NODAL: variants seen among roughly 807,000 people sequenced by gnomAD.
NODAL encodes nodal growth differentiation factor, also known as nodal homolog.
In NODAL, 12 loss-of-function variants were observed where a neutral mutation model predicts 34.0. That is an observed-to-expected ratio of 0.35 (90% CI 0.23 to 0.57). NODAL has a LOEUF of 0.57. Among genes scored for constraint, NODAL ranks in the 20% least tolerant of loss-of-function variants. The probability of loss-of-function intolerance (pLI) is 0.83; values close to 1 mark genes in which losing one functional copy is unlikely to be tolerated. For synonymous variants in NODAL, 162 were observed against 186.4 expected (o/e 0.87, Z 1.07); for missense variants, 390 against 444.2 (o/e 0.88, Z 1.10).
At chr10:70,442,158 A>C (rs573273281), upstream of NODAL, among the ~76,000 whole-genome samples, 65 of 152,350 alleles carry the variant, frequency 4.3e-4, no homozygotes, top group South Asian at 4.1e-3. Flanking sequence ...TGGCCGGCGC[A>C]GCCTCCCTGG....
At position 70,433,028 on chromosome 10, in the gene NODAL, T is replaced by C; in HGVS notation, c.952A>G (p.Thr318Ala). The C allele has an allele frequency of 1.9e-6, 3 of 1,614,034 alleles. No homozygotes were observed. Among genetic ancestry groups the C allele is most frequent in the Non-Finnish European group, 2.5e-6 (3 of 1,180,006 alleles). Residue 318 changes from threonine (T) to alanine (A), a missense_variant, in exon 3 of 3, where the codon ACC (threonine) becomes GCC (alanine). Coordinates refer to ENST00000287139, the MANE Select transcript of NODAL (RefSeq NM_018055.5). ...VPSTCCAPVKTKPLSMLYVDN... is the reference protein window; with the variant it reads ...VPSTCCAPVKAKPLSMLYVDN... ...ACATACAGCATGCTCAGCGGCTTGG[T>C]CTTCACTGGGGCACAACAAGTGGAA... is the stretch of plus-strand genomic sequence containing the variant.
At chr10:70,438,225 T>C (rs1237841242) in intron 1 of NODAL, among the ~76,000 whole-genome samples, 22 of 151,830 alleles carry the variant, frequency 1.4e-4, no homozygotes, top group Middle Eastern at 3.4e-3. Flanking sequence ...ACCCAGGAGG[T>C]GGAGGTTGCA....
chr10:70,433,173 C>A, intron 2 of NODAL, 85 bp from the exon 3 acceptor site: 2 of 1,541,886 alleles, frequency 1.3e-6, no homozygotes, highest in South Asian at 1.1e-5. Flanking sequence ...AAAAAAGTTA[C>A]GGAGTTAAAG....
chr10:70,440,036 C>T (rs1013266802), intron 1 of NODAL, among the ~76,000 whole-genome samples: 2 of 152,238 alleles, frequency 1.3e-5, no homozygotes, highest in Non-Finnish European at 2.9e-5. Context: ...CGTGTCACTG[C>T]ACTCCAGCCT....
upstream of NODAL, among the ~76,000 whole-genome samples, chr10:70,441,871 G>A (rs892564267): frequency 3.3e-5 from 5 of 152,164 alleles, no homozygotes; most frequent in African/African-American, 1.2e-4. Context: ...GCTGGCGGAG[G>A]ACCTAGTTCC....
chr10:70,447,059 G>C (rs1291683987), intron 1 of NODAL, among the ~76,000 whole-genome samples: 1 of 146,996 alleles, frequency 6.8e-6, no homozygotes, highest in Non-Finnish European at 1.5e-5. Context: ...CAATTTAGCA[G>C]AGCCCTCTTC....
At chr10:70,434,718 T>A (rs1845320545) in intron 2 of NODAL, 1 of 159,054 alleles carries the variant, frequency 6.3e-6, no homozygotes. Flanking sequence ...ATACTGTGGC[T>A]GGAACAGTGT....
At chr10:70,436,032 C>T in intron 1 of NODAL, 49 bp from the exon 2 acceptor site, 1 of 1,506,602 alleles carries the variant, frequency 6.6e-7, no homozygotes, top group Non-Finnish European at 9.2e-7. Context: ...AGGGCCTCCC[C>T]CAGCCTCAGT....
upstream of NODAL, chr10:70,441,705 C>T (rs1417070702): frequency 1.3e-6 from 2 of 1,545,440 alleles, no homozygotes; most frequent in Non-Finnish European, 1.7e-6. Context: ...ACCTCCAGCC[C>T]TTATATCCTG....
rs758598737 is a variant in NODAL, at chr10:70,435,326, A to G, written c.851T>C (p.Val284Ala). 3.1e-6 allele frequency: 5 copies of G among 1,613,756 alleles called. No individual in the cohort carries two copies. Among genetic ancestry groups the G allele is most frequent in the East Asian group, 4.5e-5 (2 of 44,872 alleles). Residue 284 changes from valine (V) to alanine (A), a missense_variant, in exon 2 of 3, where the codon GTT (valine) becomes GCT (alanine). Coordinates refer to ENST00000287139, the MANE Select transcript of NODAL (RefSeq NM_018055.5). ...YRCEGECPNPVGEEFHPTNHA... is the reference protein window; with the variant it reads ...YRCEGECPNPAGEEFHPTNHA... ...GTTGGTCGGATGAAACTCCTCCCCA[A>G]CAGGATTAGGACACTCGCCCTCACA...
At chr10:70,447,495 AG>A (rs1167856530) in intron 1 of NODAL, among the ~76,000 whole-genome samples, 2 of 152,004 alleles carry the variant, frequency 1.3e-5, no homozygotes, top group Non-Finnish European at 2.9e-5. Context: ...AGACCAGCCT[AG>A]GCAACATGGT....
chr10:70,445,921 G>T (rs1179761367), upstream of NODAL, among the ~76,000 whole-genome samples: 1 of 152,192 alleles, frequency 6.6e-6, no homozygotes, highest in East Asian at 1.9e-4. Flanking sequence ...GAGCCCTGTG[G>T]AGGCCTGGAA....
intron 1 of NODAL, among the ~76,000 whole-genome samples, chr10:70,438,054 C>A (rs186671232): frequency 6.0e-4 from 91 of 152,140 alleles, no homozygotes; most frequent in African/African-American, 2.1e-3. Flanking sequence ...CTTTGGGAGG[C>A]TGAGGTGGGT....
Position 70,441,650 on chromosome 10 carries a change from C to A in NODAL, c.18G>T (p.Leu6=), listed in dbSNP as rs1845433566. The stretch of plus-strand genomic sequence containing the variant: ...CCCACCAGGCGTGCAGAAGGAAGGG[C>A]AGGCAGTGGGCGTGCATGGTGGGCT... The part of the protein sequence containing the change: MHAHC[L]PFLLHAWWAL... Residue 6 remains leucine, a synonymous_variant, in exon 1 of 3, where the codon CTG becomes CTT. Transcript: ENST00000287139. 18 of 1,550,152 alleles carry A rather than the reference C, an allele frequency of 1.2e-5. No homozygotes were observed. The highest frequency in any genetic ancestry group is 1.6e-5 in the Non-Finnish European group (18 of 1,147,426).
upstream of NODAL, among the ~76,000 whole-genome samples, chr10:70,446,670 C>T (rs1845490454): frequency 6.6e-6 from 1 of 152,094 alleles, no homozygotes; most frequent in African/African-American, 2.4e-5. Flanking sequence ...GTGACACTGG[C>T]TGCCTTTGCC....
chr10:70,446,646 C>T (rs567764360), upstream of NODAL, among the ~76,000 whole-genome samples: 1 of 152,224 alleles, frequency 6.6e-6, no homozygotes, highest in South Asian at 2.1e-4. Context: ...GTGAGCATTT[C>T]CTGTATGCCA....
chr10:70,437,422 CAA>C (rs1217237354), intron 1 of NODAL, among the ~76,000 whole-genome samples: 1 of 152,172 alleles, frequency 6.6e-6, no homozygotes, highest in East Asian at 1.9e-4. Context: ...GCCTGGGCAA[CAA>C]GAGCGAAACT....
At position 70,441,561 on chromosome 10, in the gene NODAL, G is replaced by A. The variant is rs1380108149; in HGVS notation, c.107C>T (p.Ser36Leu). The A allele has an allele frequency of 1.9e-6, 3 of 1,581,440 alleles. No individual in the cohort carries two copies. The highest frequency in any genetic ancestry group is 1.8e-5 in the Admixed American group (1 of 55,056). ...CATGTACGCCAGAGGGGATGGCGAC[G>A]AGGGCTGCCCCCGCGTACGCAGGAG... ...TALLRTRGQPSSPSPLAYMLS... is the reference protein window; with the variant it reads ...TALLRTRGQPLSPSPLAYMLS... The change falls in exon 1 of 3, where the codon TCG (serine) becomes TTG (leucine). Residue 36 changes from serine to leucine, a missense_variant. By Grantham distance (145) the Ser-to-Leu change is moderately radical (BLOSUM62 -2). Transcript: ENST00000287139.
rs148708629 is a variant in NODAL at position 70,433,064 on chromosome 10, G to A, written c.916C>T (p.His306Tyr). 221 of 1,614,070 alleles carry A rather than the reference G, an allele frequency of 1.4e-4. 1 individual carries two copies. The African/African-American group carries it at 2.6e-3, about 19-fold the overall frequency. ...GCACAACAAGTGGAAGGGACTCGGT[G>A]GGGCTGGTAACGTTTCAGCAGACTC... ...IQSLLKRYQP[H>Y]RVPSTCCAPV... The change falls in exon 3 of 3, where the codon CAC (histidine) becomes TAC (tyrosine). Residue 306 changes from histidine (H) to tyrosine (Y), a missense_variant. Transcript: ENST00000287139.
Sources: gnomAD v4.1 joint callset for allele counts (sites outside exome capture counted in the v4.1 genomes callset) on GRCh38, gnomAD v4.1.1 for gene constraint, MANE v1.5 for transcripts, NCBI Gene and HGNC (gene_info 2026-07-23, HGNC 2026-07-21) for gene names.